Variants in METTL16 observed in about 807,000 individuals in gnomAD.
METTL16 encodes RNA N(6)-adenosine-methyltransferase METTL16.
METTL16 carries 19 observed loss-of-function variants against 57.9 expected under a neutral mutation model. The observed-to-expected ratio is 0.33, with a 90% CI of 0.23 to 0.48. METTL16 has a LOEUF of 0.48. Ranked by LOEUF, METTL16 falls within the 20% of genes least tolerant of loss-of-function variation. The pLI, the probability that METTL16 is intolerant of heterozygous loss-of-function variation, is 0.99. For missense variants in METTL16, 434 were observed against 691.5 expected, an observed-to-expected ratio of 0.63 and a Z score of 4.18; for synonymous variants, 246 against 255.6, an observed-to-expected ratio of 0.96 and a Z score of 0.36.
At chr17:2,469,692 T>G (rs537058258) in intron 4 of METTL16, among the ~76,000 whole-genome samples, 120 of 152,240 alleles carry the variant, frequency 7.9e-4, no homozygotes, top group African/African-American at 2.8e-3. Context: ...GCCTGGCTAA[T>G]TTTTGTATTT....
At chr17:2,449,165 G>A (rs1329017075) in intron 6 of METTL16, among the ~76,000 whole-genome samples, 4 of 152,056 alleles carry the variant, frequency 2.6e-5, no homozygotes, top group African/African-American at 2.4e-5. Context: ...AATAAAGTTC[G>A]TATAATGTGT....
intron 1 of METTL16, among the ~76,000 whole-genome samples, chr17:2,502,845 G>A (rs1366159592): frequency 6.6e-6 from 1 of 151,838 alleles, no homozygotes; most frequent in Non-Finnish European, 1.5e-5. Context: ...TAGTCATCAG[G>A]GAAATACAAA....
intron 3 of METTL16, 185 bp downstream of exon 3, chr17:2,477,501 C>A: frequency 1.7e-6 from 1 of 594,046 alleles, no homozygotes; most frequent in Non-Finnish European, 3.0e-6. Flanking sequence ...TTGAGCAACA[C>A]ATCAGTGCTC....
chr17:2,461,953 T>C (rs2067152890), intron 6 of METTL16, among the ~76,000 whole-genome samples: 1 of 152,098 alleles, frequency 6.6e-6, no homozygotes, highest in South Asian at 2.1e-4. Flanking sequence ...CAATACCGTA[T>C]AGGAAAAAAA....
chr17:2,449,039 A>G lies in METTL16; in HGVS notation c.729-7480T>C, dbSNP rs1335921870. ...AGACTCCGTCTCAAAAAAAAAAAAA[A>G]GTAAAATACTAATAAAATAAATCAA... On this transcript the variant is annotated intron_variant, in intron 6 of 9. Coordinates refer to ENST00000263092, the MANE Select transcript of METTL16 (RefSeq NM_024086.4). Among the ~76,000 whole-genome samples the G allele has an allele frequency of 6.6e-5, 10 of 150,834 alleles. No homozygotes were observed. The East Asian group carries it at 1.7e-3, about 26-fold the overall frequency.
At chr17:2,501,100 G>C (rs753461026) in intron 2 of METTL16, among the ~76,000 whole-genome samples, 1 of 152,084 alleles carries the variant, frequency 6.6e-6, no homozygotes, top group Non-Finnish European at 1.5e-5. Context: ...CTGGGCAACA[G>C]AGACTCCGTC....
rs373990541 is a variant in METTL16 at position 2,502,095 on chromosome 17, A to G, written c.128+109T>C. ...GGTTAAGTGATTTGTCCAAGGTCGC[A>G]TGGGACGTTTAATCAAATGTCTAAG... On this transcript the variant is annotated intron_variant, in intron 2 of 9. Coordinates refer to ENST00000263092, the MANE Select transcript of METTL16 (RefSeq NM_024086.4). 1.2e-5 allele frequency: 14 copies of G among 1,160,684 alleles called. No individual in the cohort carries two copies. The African/African-American group carries it at 1.2e-4, about 10-fold the overall frequency. 71.9% of individuals were successfully genotyped at this position (1,160,684 alleles called of 1,614,324 possible). A position where few individuals can be genotyped will look rare whatever the true frequency, so the allele number is the denominator to read the frequency against.
chr17:2,495,865 T>G (rs1017795447), intron 2 of METTL16, among the ~76,000 whole-genome samples: 7 of 151,440 alleles, frequency 4.6e-5, no homozygotes, highest in Admixed American at 3.3e-4. Flanking sequence ...TCCCAGCACT[T>G]TGGGAGGCCG....
chr17:2,438,018 A>T, intron 8 of METTL16, 91 bp downstream of exon 8: 1 of 946,072 alleles, frequency 1.1e-6, no homozygotes, highest in Non-Finnish European at 1.7e-6. Flanking sequence ...AACTTCAGTT[A>T]AACAGGACAC....
At chr17:2,490,280 G>C (rs998123711) in intron 2 of METTL16, among the ~76,000 whole-genome samples, 1 of 152,206 alleles carries the variant, frequency 6.6e-6, no homozygotes, top group Admixed American at 6.5e-5. Flanking sequence ...TCATACAAGT[G>C]TATGTGGATC....
chr17:2,455,087 CTTTTTTTTTTT>C (rs954892604), intron 6 of METTL16: 2 of 111,436 alleles, frequency 1.8e-5, no homozygotes, highest in East Asian at 2.6e-4. Flanking sequence ...TGCCCAGGTA[CTTTTTTTTTTT>C]TTTTTTTTGA....
chr17:2,510,015 T>C (rs113065323), intron 1 of METTL16, among the ~76,000 whole-genome samples: 4 of 151,696 alleles, frequency 2.6e-5, no homozygotes, highest in Admixed American at 2.6e-4. Context: ...AGGTGGAGGT[T>C]GCAGTGAGCC....
At position 2,418,289 on chromosome 17, in the gene METTL16, G is replaced by C. The variant is rs2066735493; in HGVS notation, c.*1681C>G. 1 of 152,172 alleles carries C rather than the reference G, an allele frequency of 6.6e-6. No homozygotes were observed. Among genetic ancestry groups the C allele is most frequent in the Non-Finnish European group, 1.5e-5 (1 of 68,076 alleles). The allele number at this position is 152,172 out of a possible 1,614,324, so 9.4% of individuals were successfully genotyped here. On this transcript the variant is annotated 3_prime_UTR_variant, in exon 10 of 10. Transcript: ENST00000263092. ...GGACTCTCTGGAGGTCCACGGACCA[G>C]GTTAAGAACACTGGTCAGAGGCTGG...
chr17:2,457,129 C>T (rs1490958323), intron 6 of METTL16, among the ~76,000 whole-genome samples: 3 of 145,152 alleles, frequency 2.1e-5, no homozygotes, highest in Middle Eastern at 3.6e-3. Flanking sequence ...GTCATGAGAT[C>T]GAGATCATCC....
At chr17:2,476,449 C>A (rs2067269046) in intron 3 of METTL16, among the ~76,000 whole-genome samples, 1 of 151,806 alleles carries the variant, frequency 6.6e-6, no homozygotes, top group African/African-American at 2.4e-5. Context: ...GGAAGGTATG[C>A]CTGAAAAGTG....
chr17:2,502,344 AAG>A lies in METTL16; in HGVS notation c.1-15_1-14del, dbSNP rs759477536. ...TACTCAGAGCCATCTTAAGGAGAGAAAGAGAGAAAGAAAATCAGCATATTTAT... is the reference window on the plus strand; with the variant it reads ...TACTCAGAGCCATCTTAAGGAGAGAAAGAGAAAGAAAATCAGCATATTTAT... On this transcript the variant is annotated splice_polypyrimidine_tract_variant and intron_variant, in intron 1 of 9. Coordinates refer to ENST00000263092, the MANE Select transcript of METTL16 (RefSeq NM_024086.4). 6.2e-7 allele frequency: 1 copy of A among 1,609,532 alleles called. No individual in the cohort carries two copies. Among genetic ancestry groups the A allele is most frequent in the East Asian group, 2.2e-5 (1 of 44,834 alleles).
At chr17:2,437,020 T>C (rs1263840323) in intron 8 of METTL16, among the ~76,000 whole-genome samples, 1 of 152,054 alleles carries the variant, frequency 6.6e-6, no homozygotes, top group Non-Finnish European at 1.5e-5. Flanking sequence ...CAGCTGGGAC[T>C]ACAGGCATGC....
At chr17:2,451,621 C>CAA (rs1246896035) in intron 6 of METTL16, among the ~76,000 whole-genome samples, 1 of 87,242 alleles carries the variant, frequency 1.1e-5, no homozygotes. Flanking sequence ...ACTCTGTTTC[C>CAA]AAAAAAAAAA....
chr17:2,465,682 G>A (rs1327257976), intron 5 of METTL16, among the ~76,000 whole-genome samples: 1 of 151,614 alleles, frequency 6.6e-6, no homozygotes, highest in Non-Finnish European at 1.5e-5. Context: ...GGCCAACATG[G>A]TAAAACCCTG....
Sources: gnomAD v4.1 joint callset for allele counts (sites outside exome capture counted in the v4.1 genomes callset) on GRCh38, gnomAD v4.1.1 for gene constraint, MANE v1.5 for transcripts, NCBI Gene and HGNC (gene_info 2026-07-23, HGNC 2026-07-21) for gene names.